AGBL4: variants seen among roughly 807,000 people sequenced by gnomAD.
AGBL4 encodes the protein AGBL carboxypeptidase 4.
AGBL4 carries 58 observed loss-of-function variants against 66.4 expected under a neutral mutation model. The observed-to-expected ratio is 0.87, with a 90% CI of 0.71 to 1.09. The LOEUF (loss-of-function observed/expected upper bound fraction) is 1.09. AGBL4 is among the 50% of genes least tolerant of loss of function. The pLI is 0.00. For missense variants in AGBL4, 579 were observed against 631.0 expected, an observed-to-expected ratio of 0.92 and a Z score of 0.88; for synonymous variants, 234 against 222.9, an observed-to-expected ratio of 1.05 and a Z score of -0.44.
chr1:49,865,099 T>C (rs1173927968), intron 1 of AGBL4, among the ~76,000 whole-genome samples: 1 of 152,178 alleles, frequency 6.6e-6, no homozygotes, highest in Non-Finnish European at 1.5e-5. Flanking sequence ...GACAAAACTC[T>C]GATCTCCCTT....
intron 5 of AGBL4, among the ~76,000 whole-genome samples, chr1:49,002,775 G>A (rs1661490489): frequency 1.3e-5 from 2 of 152,226 alleles, no homozygotes; most frequent in South Asian, 2.1e-4. Flanking sequence ...TTCTGCCAGG[G>A]TTCCCATAAG....
chr1:49,919,877 G>A (rs1652015734), intron 1 of AGBL4, among the ~76,000 whole-genome samples: 1 of 152,190 alleles, frequency 6.6e-6, no homozygotes, highest in Non-Finnish European at 1.5e-5. Flanking sequence ...CATGGTAGTG[G>A]TACCAAAACA....
At chr1:49,515,764 C>A (rs1157780689) in intron 3 of AGBL4, among the ~76,000 whole-genome samples, 1 of 151,586 alleles carries the variant, frequency 6.6e-6, no homozygotes, top group Non-Finnish European at 1.5e-5. Context: ...TGGAAACCAT[C>A]ATTCTCAGCA....
At chr1:49,546,027 C>T (rs558781284) in intron 3 of AGBL4, among the ~76,000 whole-genome samples, 1 of 152,224 alleles carries the variant, frequency 6.6e-6, no homozygotes, top group Non-Finnish European at 1.5e-5. Context: ...TATCCCTTGC[C>T]TCCCTCCCAC....
At chr1:48,966,971 A>G (rs1319316878) in intron 5 of AGBL4, among the ~76,000 whole-genome samples, 1 of 152,080 alleles carries the variant, frequency 6.6e-6, no homozygotes, top group Non-Finnish European at 1.5e-5. Context: ...TGTCAAGTCC[A>G]AACAAAAGGG....
chr1:48,596,498 G>T (rs1379737090), intron 9 of AGBL4, among the ~76,000 whole-genome samples: 3 of 152,150 alleles, frequency 2.0e-5, no homozygotes, highest in African/African-American at 4.8e-5. Flanking sequence ...GTGTTCTAAG[G>T]CAGGAAGGAA....
At chr1:49,570,243 G>A (rs1644299853) in intron 3 of AGBL4, among the ~76,000 whole-genome samples, 1 of 151,986 alleles carries the variant, frequency 6.6e-6, no homozygotes, top group Non-Finnish European at 1.5e-5. Context: ...ACCAACATCT[G>A]TTGCTGACTT....
chr1:49,431,631 T>C (rs1414288719), intron 3 of AGBL4, among the ~76,000 whole-genome samples: 1 of 152,154 alleles, frequency 6.6e-6, no homozygotes, highest in Non-Finnish European at 1.5e-5. Flanking sequence ...CCATTGTACA[T>C]TTTGCTGTAA....
At chr1:49,016,630 G>A (rs988690125) in intron 5 of AGBL4, among the ~76,000 whole-genome samples, 5 of 152,150 alleles carry the variant, frequency 3.3e-5, no homozygotes, top group African/African-American at 1.2e-4. Context: ...GAAAGTTGGA[G>A]GTCATGACCT....
intron 6 of AGBL4, among the ~76,000 whole-genome samples, chr1:48,753,048 C>T (rs1652004593): frequency 6.6e-6 from 1 of 152,160 alleles, no homozygotes; most frequent in Non-Finnish European, 1.5e-5. Context: ...GCCCCCGGCC[C>T]ATTTGCTCCT....
intron 5 of AGBL4, among the ~76,000 whole-genome samples, chr1:49,005,849 A>G (rs1661746952): frequency 6.6e-6 from 1 of 152,082 alleles, no homozygotes; most frequent in Non-Finnish European, 1.5e-5. Context: ...AAAAATACAA[A>G]AATTAGCTGG....
chr1:49,348,343 G>T (rs12732327), intron 3 of AGBL4, among the ~76,000 whole-genome samples: 5 of 152,010 alleles, frequency 3.3e-5, no homozygotes, highest in African/African-American at 1.2e-4. Context: ...GCATGAACCC[G>T]GGAGGCGGAG....
chr1:48,586,801 AT>A (rs1644827785), intron 11 of AGBL4: 6 of 609,370 alleles, frequency 9.8e-6, no homozygotes, highest in Non-Finnish European at 1.7e-5. Context: ...GATTTGGAGC[AT>A]GGCAATTGGG....
intron 6 of AGBL4, among the ~76,000 whole-genome samples, chr1:48,670,398 C>T (rs975160125): frequency 6.6e-6 from 1 of 152,260 alleles, no homozygotes; most frequent in Non-Finnish European, 1.5e-5. Flanking sequence ...CCTCTCACTA[C>T]ACTGGGCTGC....
At chr1:49,889,219 G>C (rs1234079446) in intron 1 of AGBL4, among the ~76,000 whole-genome samples, 1 of 152,122 alleles carries the variant, frequency 6.6e-6, no homozygotes, top group Non-Finnish European at 1.5e-5. Flanking sequence ...CCCATCTGTA[G>C]TCGTAGCTAC....
chr1:49,011,571 C>CA (rs1411093757), intron 5 of AGBL4, among the ~76,000 whole-genome samples: 5 of 152,110 alleles, frequency 3.3e-5, no homozygotes, highest in Non-Finnish European at 7.3e-5. Context: ...GCTATAAAGA[C>CA]ACATGCACAC....
chr1:49,544,464 C>T (rs1313554441), intron 3 of AGBL4, among the ~76,000 whole-genome samples: 1 of 152,090 alleles, frequency 6.6e-6, no homozygotes, highest in Non-Finnish European at 1.5e-5. Context: ...CACATAAATA[C>T]CGTGCTCTTC....
intron 4 of AGBL4, among the ~76,000 whole-genome samples, chr1:49,147,477 A>T (rs992996476): frequency 4.6e-5 from 7 of 152,074 alleles, no homozygotes; most frequent in African/African-American, 1.7e-4. Context: ...CAAATTTCCT[A>T]TTCTCATCCC....
intron 4 of AGBL4, among the ~76,000 whole-genome samples, chr1:49,115,634 G>C (rs542785472): frequency 6.6e-6 from 1 of 151,912 alleles, no homozygotes; most frequent in Non-Finnish European, 1.5e-5. Flanking sequence ...GAAAGAATCC[G>C]GTATACTCTA....
Sources: gnomAD v4.1 joint callset for allele counts (sites outside exome capture counted in the v4.1 genomes callset) on GRCh38, gnomAD v4.1.1 for gene constraint, MANE v1.5 for transcripts, NCBI Gene and HGNC (gene_info 2026-07-23, HGNC 2026-07-21) for gene names.